The following BTK variants were observed in gnomAD, a reference collection of about 807,000 sequenced individuals.
BTK encodes Bruton tyrosine kinase.
Under a neutral mutation model 57.4 loss-of-function variants are expected in BTK, and 5 were observed. The ratio of observed to expected loss-of-function variants is 0.09; its 90% confidence interval spans 0.05 to 0.18. BTK has a LOEUF of 0.18. Among genes scored for constraint, BTK ranks in the 10% least tolerant of loss-of-function variants. The probability of loss-of-function intolerance (pLI) is 1.00; values close to 1 mark genes in which losing one functional copy is unlikely to be tolerated. For synonymous variants in BTK, 154 were observed against 174.3 expected, an observed-to-expected ratio of 0.88 and a Z score of 0.92; for missense variants, 194 against 501.2, an observed-to-expected ratio of 0.39 and a Z score of 5.85.
chrX:101,366,202 G>T (rs1346132573), intron 5 of BTK, among the ~76,000 whole-genome samples: 2 of 105,263 alleles, frequency 1.9e-5, no homozygotes, highest in Non-Finnish European at 3.9e-5. Flanking sequence ...AACGCAGGAG[G>T]CAGAGTTTGC....
chrX:101,362,203 C>T lies in BTK; in HGVS notation c.558G>A (p.Lys186=), dbSNP rs1926693744. The T allele has an allele frequency of 8.3e-7, 1 of 1,210,136 alleles. No homozygotes were observed. The highest frequency in any genetic ancestry group is 2.2e-5 in the Admixed American group (1 of 45,777). ...CCTCCTCAGGCGTTGGGGGAAGAGG[C>T]TTTTTTGTCTTCCGGTGAGAACTCC... The part of the protein sequence containing the change: ...KPGSSHRKTK[K]PLPPTPEEDQ... Residue 186 remains lysine, a synonymous_variant, in exon 7 of 19, where the codon AAG becomes AAA. Coordinates refer to ENST00000308731, the MANE Select transcript of BTK (RefSeq NM_000061.3).
intron 18 of BTK, among the ~76,000 whole-genome samples, chrX:101,351,778 C>A (rs1367934252): frequency 1.8e-5 from 2 of 111,247 alleles, no homozygotes; most frequent in Non-Finnish European, 3.8e-5. Context: ...CCACATACCC[C>A]ACGATGCACC....
chrX:101,362,954 C>T (rs1413408219), intron 5 of BTK: 6 of 392,870 alleles, frequency 1.5e-5, no homozygotes, highest in Non-Finnish European at 2.7e-5. Context: ...TATCTGATGG[C>T]TTGAGAGCCC....
intron 1 of BTK, among the ~76,000 whole-genome samples, chrX:101,379,844 A>G (rs1255189263): frequency 8.9e-6 from 1 of 112,210 alleles, no homozygotes; most frequent in Non-Finnish European, 1.9e-5. Context: ...GGTAAGGATG[A>G]TCTGTCTCTG....
chrX:101,356,738 A>G, intron 14 of BTK, 46 bp downstream of exon 14: 1 of 1,199,776 alleles, frequency 8.3e-7, no homozygotes, highest in Non-Finnish European at 1.1e-6. Flanking sequence ...GTGAATTCCT[A>G]GACTCCAGCA....
chrX:101,374,425 T>G, intron 3 of BTK, 111 bp downstream of exon 3: 1 of 641,492 alleles, frequency 1.6e-6, no homozygotes, highest in East Asian at 3.2e-5. Context: ...TAAAGGAAAC[T>G]TGACCGTGTT....
chrX:101,351,996 T>G (rs947200921), intron 18 of BTK, among the ~76,000 whole-genome samples: 2 of 109,552 alleles, frequency 1.8e-5, no homozygotes, highest in Non-Finnish European at 3.8e-5. Flanking sequence ...ACCCTGTCTC[T>G]ACTAAAAATA....
upstream of BTK, among the ~76,000 whole-genome samples, chrX:101,389,671 TCTC>T (rs1255440641): frequency 9.0e-6 from 1 of 110,856 alleles, no homozygotes; most frequent in Non-Finnish European, 1.9e-5. Flanking sequence ...CCCAATTCTG[TCTC>T]CTCACCATCC....
chrX:101,353,105 C>A, intron 18 of BTK, 89 bp downstream of exon 18: 1 of 823,853 alleles, frequency 1.2e-6, no homozygotes, highest in South Asian at 2.3e-5. Flanking sequence ...AGAATGTGTG[C>A]AGCTATCAGT....
At chrX:101,359,171 G>C in intron 10 of BTK, 122 bp downstream of exon 10, 2 of 779,590 alleles carry the variant, frequency 2.6e-6, no homozygotes, top group Non-Finnish European at 4.0e-6. Context: ...GGTGTAATTG[G>C]GATCCCAGAC....
chrX:101,351,523 G>A lies in BTK; in HGVS notation c.1909-1567C>T, dbSNP rs781787628. Among the ~76,000 whole-genome samples, 4 of 111,407 alleles carry A rather than the reference G, an allele frequency of 3.6e-5. No individual in the cohort carries two copies. The South Asian group carries it at 1.1e-3, about 32-fold the overall frequency. ...TTTCTCTGTGATCTGTCATTTGTTC[G>A]AGGGAAACCAGCCATGCTCGGATCC... On this transcript the variant is annotated intron_variant, in intron 18 of 18. Coordinates refer to ENST00000308731, the MANE Select transcript of BTK (RefSeq NM_000061.3).
upstream of BTK, among the ~76,000 whole-genome samples, chrX:101,390,295 T>C (rs1203795953): frequency 8.9e-6 from 1 of 112,211 alleles, no homozygotes; most frequent in Non-Finnish European, 1.9e-5. Flanking sequence ...AGGTACTTTC[T>C]ACTTCTAGGC....
chrX:101,365,305 G>A (rs1442685425), intron 5 of BTK, among the ~76,000 whole-genome samples: 1 of 111,769 alleles, frequency 8.9e-6, no homozygotes. Context: ...TCGACAATTA[G>A]CCACTCTAAT....
chrX:101,369,802 T>A (rs1555980012), intron 5 of BTK, among the ~76,000 whole-genome samples, 196 bp downstream of exon 5: 1 of 109,631 alleles, frequency 9.1e-6, no homozygotes, highest in East Asian at 2.8e-4. Context: ...GCTTCCTTCC[T>A]TCCTGTCTCC....
In BTK at chrX:101,354,789, C is replaced by T. The variant is rs1024564365; in HGVS notation, c.1567-95G>A. 7.2e-6 allele frequency: 6 copies of T among 832,072 alleles called. No individual in the cohort carries two copies. In the African/African-American group the frequency reaches 1.2e-4, roughly 17 times the overall value. The allele number at this position is 832,072 out of a possible 1,213,427, so 68.6% of individuals were successfully genotyped here. A position where few individuals can be genotyped will look rare whatever the true frequency, so the allele number is the denominator to read the frequency against. On this transcript the variant is annotated intron_variant, in intron 15 of 18. Transcript: ENST00000308731. ...GACCAGTAGAATGAAGCCAGGGAAG[C>T]TTCATCTCCTTCGACTACAGACACC...
At chrX:101,351,237 G>A (rs1298898526) in intron 18 of BTK, among the ~76,000 whole-genome samples, 1 of 111,111 alleles carries the variant, frequency 9.0e-6, no homozygotes, top group Admixed American at 9.5e-5. Flanking sequence ...CACGTGATCC[G>A]CTTGCCTTGG....
At chrX:101,359,786 C>T (rs1429511313) in intron 9 of BTK, among the ~76,000 whole-genome samples, 1 of 108,186 alleles carries the variant, frequency 9.2e-6, no homozygotes, top group East Asian at 2.9e-4. Flanking sequence ...AAGACAGATA[C>T]ACTAATTTGA....
At chrX:101,356,695 G>A in intron 14 of BTK, 89 bp downstream of exon 14, 3 of 1,090,524 alleles carry the variant, frequency 2.8e-6, no homozygotes, top group Non-Finnish European at 3.8e-6. Flanking sequence ...CTCTCTTACT[G>A]TAAGTCATCT....
In BTK at chrX:101,356,160, C is replaced by T. The variant is rs2147427389; in HGVS notation, c.1458G>A (p.Leu486=). 1 of 1,211,366 alleles carries T rather than the reference C, an allele frequency of 8.3e-7. No individual in the cohort carries two copies. Among genetic ancestry groups the T allele is most frequent in the Non-Finnish European group, 1.1e-6 (1 of 895,401 alleles). Residue 486 remains leucine (L), a synonymous_variant, in exon 15 of 19, where the codon CTG becomes CTA. Coordinates refer to ENST00000308731, the MANE Select transcript of BTK (RefSeq NM_000061.3). The stretch of plus-strand genomic sequence containing the variant: ...TCTGGAAGCGGTGGCGCATCTCCCT[C>T]AGGTAGTTCAGGAGGCAGCCATTGG... ...YMANGCLLNY[L]REMRHRFQTQ...
Sources: allele counts gnomAD v4.1 joint callset (sites outside exome capture counted in the v4.1 genomes callset), GRCh38; gene constraint gnomAD v4.1.1; transcripts MANE v1.5; gene names NCBI Gene and HGNC (gene_info 2026-07-23, HGNC 2026-07-21).